TRABD2B: variants seen among roughly 807,000 people sequenced by gnomAD.
The protein encoded by TRABD2B is metalloprotease TIKI2.
In TRABD2B, 14 loss-of-function variants were observed where a neutral mutation model predicts 40.1. The observed-to-expected ratio is 0.35, with a 90% CI of 0.23 to 0.55. TRABD2B has a LOEUF of 0.55. TRABD2B is among the 20% of genes least tolerant of loss of function. The pLI is 0.90. For synonymous variants in TRABD2B, 263 were observed against 277.0 expected (o/e 0.95, Z 0.50); for missense variants, 541 against 648.6 (o/e 0.83, Z 1.80).
intron 2 of TRABD2B, among the ~76,000 whole-genome samples, chr1:47,903,843 C>G (rs1304232736): frequency 6.6e-6 from 1 of 152,152 alleles, no homozygotes; most frequent in Non-Finnish European, 1.5e-5. Context: ...CACATGTAAC[C>G]CTGATTAACC....
At chr1:47,841,972 C>T (rs1419374069) in intron 2 of TRABD2B, among the ~76,000 whole-genome samples, 1 of 151,826 alleles carries the variant, frequency 6.6e-6, no homozygotes, top group South Asian at 2.1e-4. Flanking sequence ...TGGGGTTTCA[C>T]GACCGTGGCC....
chr1:47,851,578 CAG>C lies in TRABD2B; in HGVS notation c.667-49961_667-49960del, dbSNP rs1451413009. Among the ~76,000 whole-genome samples, 7 of 152,302 alleles carry C rather than the reference CAG, an allele frequency of 4.6e-5. 1 individual carries two copies. Among genetic ancestry groups the C allele is most frequent in the Admixed American group, 2.0e-4 (3 of 15,300 alleles). On this transcript the variant is annotated intron_variant, in intron 2 of 6. Transcript: ENST00000606738. ...AGTTATACTGGAGCTGAAGAAATGTCAGAGAGTTTTGTAGAGTCAGAAGTTTC... is the reference window on the plus strand; with the variant it reads ...AGTTATACTGGAGCTGAAGAAATGTCAGAGTTTTGTAGAGTCAGAAGTTTC...
At chr1:47,975,702 G>A (rs111243080) in intron 2 of TRABD2B, among the ~76,000 whole-genome samples, 1 of 152,186 alleles carries the variant, frequency 6.6e-6, no homozygotes, top group African/African-American at 2.4e-5. Context: ...GCCAGCTCTT[G>A]TCCTAGAGCG....
At chr1:47,819,815 CAA>C (rs764749528) in intron 2 of TRABD2B, 2 of 152,144 alleles carry the variant, frequency 1.3e-5, no homozygotes, top group Admixed American at 6.5e-5. Flanking sequence ...TCTGGGGAAA[CAA>C]GAGTGGAATC....
intron 2 of TRABD2B, among the ~76,000 whole-genome samples, chr1:47,959,743 C>A (rs570012164): frequency 6.6e-6 from 1 of 152,220 alleles, no homozygotes; most frequent in East Asian, 1.9e-4. Flanking sequence ...CAAAAACAGT[C>A]CAGGACCAGA....
intron 2 of TRABD2B, among the ~76,000 whole-genome samples, chr1:47,945,504 A>G (rs1461420694): frequency 6.6e-6 from 1 of 152,208 alleles, no homozygotes; most frequent in Non-Finnish European, 1.5e-5. Context: ...GAACATGTAC[A>G]GTCATGTAAC....
At chr1:47,921,247 G>A (rs1484901843) in intron 2 of TRABD2B, among the ~76,000 whole-genome samples, 1 of 152,218 alleles carries the variant, frequency 6.6e-6, no homozygotes, top group African/African-American at 2.4e-5. Context: ...AGAATGACCT[G>A]TGAATTTCCA....
intron 2 of TRABD2B, among the ~76,000 whole-genome samples, chr1:47,876,364 G>A (rs1644225836): frequency 6.6e-6 from 1 of 152,190 alleles, no homozygotes; most frequent in African/African-American, 2.4e-5. Context: ...CCAGTGAAGG[G>A]ACTTCCCATG....
At chr1:47,949,171 C>T (rs561110604) in intron 2 of TRABD2B, among the ~76,000 whole-genome samples, 1 of 152,064 alleles carries the variant, frequency 6.6e-6, no homozygotes. Context: ...TGCTGTGGGA[C>T]AGACACTATT....
At chr1:47,773,310 C>T (rs1335172208) in intron 6 of TRABD2B, among the ~76,000 whole-genome samples, 4 of 152,374 alleles carry the variant, frequency 2.6e-5, no homozygotes, top group East Asian at 3.9e-4. Context: ...CCCTCACTCC[C>T]GATTAGAAGG....
intron 4 of TRABD2B, among the ~76,000 whole-genome samples, chr1:47,793,306 C>T (rs1029116024): frequency 6.6e-6 from 1 of 152,216 alleles, no homozygotes; most frequent in Admixed American, 6.5e-5. Flanking sequence ...TCTTTCTGCC[C>T]AACTGCTGTG....
At position 47,996,661 on chromosome 1, in the gene TRABD2B, A is replaced by G; in HGVS notation, c.102+27T>C. 8.1e-7 allele frequency: 1 copy of G among 1,228,372 alleles called. No homozygotes were observed. Among genetic ancestry groups the G allele is most frequent in the South Asian group, 4.1e-5 (1 of 24,348 alleles). 76.1% of individuals were successfully genotyped at this position (1,228,372 alleles called of 1,614,324 possible). On this transcript the variant is annotated intron_variant, in intron 1 of 6. Transcript: ENST00000606738. The surrounding 1 kb of genome is among the most constrained non-coding windows in gnomAD (Gnocchi z 4.6). The stretch of plus-strand genomic sequence containing the variant: ...GGACTAGAATACCCAGGCAGGCGGG[A>G]GAGTGGCCGGGCAGGCGCTCGCTCA...
intron 2 of TRABD2B, among the ~76,000 whole-genome samples, chr1:47,987,546 T>C (rs555043610): frequency 1.3e-5 from 2 of 152,286 alleles, no homozygotes; most frequent in South Asian, 4.1e-4. Flanking sequence ...TCTCCTCTGA[T>C]GGAGGTGCAT....
chr1:47,861,239 C>A lies in TRABD2B; in HGVS notation c.667-59620G>T, dbSNP rs547367358. On this transcript the variant is annotated intron_variant, in intron 2 of 6. Coordinates refer to ENST00000606738, the MANE Select transcript of TRABD2B (RefSeq NM_001194986.2). ...CTATTTCCCATCCCGAGGAGACATT[C>A]AGCAACACCTAGAAGGCATTTTTGG... Among the ~76,000 whole-genome samples the A allele has an allele frequency of 1.3e-4, 20 of 151,098 alleles. 1 individual carries two copies. The South Asian group carries it at 4.0e-3, about 30-fold the overall frequency.
intron 2 of TRABD2B, among the ~76,000 whole-genome samples, chr1:47,968,100 A>G (rs944853227): frequency 2.6e-5 from 4 of 152,230 alleles, no homozygotes; most frequent in African/African-American, 9.6e-5. Context: ...GGTAACTGGA[A>G]CTAGGCAAGA....
chr1:47,994,328 G>A lies in TRABD2B; in HGVS notation c.372C>T (p.His124=). 1 of 1,536,282 alleles carries A rather than the reference G, an allele frequency of 6.5e-7. No individual in the cohort carries two copies. The highest frequency in any genetic ancestry group is 8.7e-7 in the Non-Finnish European group (1 of 1,146,946). The part of the protein sequence containing the change: ...PHELYWRLKR[H]LDYVKLMMPS... ...GCATCATCAACTTCACGTAGTCCAG[G>A]TGGCGCTTCAAGCGCCAGTAAAGCT... is the stretch of plus-strand genomic sequence containing the variant. The change falls in exon 2 of 7, where the codon CAC becomes CAT. Residue 124 remains histidine (H), a synonymous_variant. Transcript: ENST00000606738. The surrounding 1 kb of genome is among the most constrained non-coding windows in gnomAD (Gnocchi z 6.7).
At chr1:47,837,051 G>T (rs1259668183) in intron 2 of TRABD2B, among the ~76,000 whole-genome samples, 1 of 152,218 alleles carries the variant, frequency 6.6e-6, no homozygotes, top group Non-Finnish European at 1.5e-5. Context: ...TGTGGTGTTT[G>T]TTCACTGAAC....
Position 47,765,989 on chromosome 1 carries a change from GCTGGCGGGCC to G in TRABD2B, c.1457_1466del (p.Gly486AlafsTer72). The G allele has an allele frequency of 1.4e-6, 1 of 701,508 alleles. No individual in the cohort carries two copies. Among genetic ancestry groups the G allele is most frequent in the East Asian group, 2.7e-5 (1 of 37,260 alleles). The allele number at this position is 701,508 out of a possible 1,614,324, so 43.5% of individuals were successfully genotyped here. A position where few individuals can be genotyped will look rare whatever the true frequency, so the allele number is the denominator to read the frequency against. On this transcript the variant is annotated frameshift_variant, in exon 7 of 7. Coordinates refer to ENST00000606738, the MANE Select transcript of TRABD2B (RefSeq NM_001194986.2). LOFTEE classifies it low-confidence loss of function (END_TRUNC). ...GAAGGCCCAGGGTGGGTGCCGAGCT[GCTGGCGGGCC>G]CTGGCGGGTCCTGCTGTTGTAGCTG...
intron 2 of TRABD2B, among the ~76,000 whole-genome samples, chr1:47,990,459 C>T (rs1645984226): frequency 6.6e-6 from 1 of 152,080 alleles, no homozygotes; most frequent in Non-Finnish European, 1.5e-5. Flanking sequence ...GGGCTCACCG[C>T]CTCCTAATAC....
Sources: allele counts gnomAD v4.1 joint callset (sites outside exome capture counted in the v4.1 genomes callset), GRCh38; gene constraint gnomAD v4.1.1; non-coding constraint Gnocchi (gnomAD v3.1); transcripts MANE v1.5; gene names NCBI Gene and HGNC (gene_info 2026-07-23, HGNC 2026-07-21).